The following TENM3 variants were observed in gnomAD, a reference collection of about 807,000 sequenced individuals.
The protein encoded by TENM3 is teneurin transmembrane protein 3.
A neutral mutation model predicts 255.1 loss-of-function variants in TENM3; 63 were observed. The observed-to-expected ratio is 0.25, with a 90% CI of 0.20 to 0.30. The LOEUF is 0.30. Ranked by LOEUF, TENM3 falls within the 10% of genes least tolerant of loss-of-function variation. The pLI is 1.00. For synonymous variants in TENM3, 1,306 were observed against 1,322.3 expected (o/e 0.99, Z 0.27); for missense variants, 2,929 against 3,461.1 (o/e 0.85, Z 3.86).
chr4:182,626,848 A>G (rs1348265750), intron 4 of TENM3, among the ~76,000 whole-genome samples: 1 of 152,206 alleles, frequency 6.6e-6, no homozygotes, highest in African/African-American at 2.4e-5. Context: ...TTTTAGAGAC[A>G]TTAGCTCTAG....
intron 22 of TENM3, among the ~76,000 whole-genome samples, chr4:182,761,373 C>T (rs1313201994): frequency 6.6e-6 from 1 of 152,058 alleles, no homozygotes; most frequent in Non-Finnish European, 1.5e-5. Flanking sequence ...GAGCCAAGAT[C>T]ACGCCACTGC....
the TENM3 span, among the ~76,000 whole-genome samples, chr4:181,536,256 A>G: frequency 2.6e-4 from 39 of 152,294 alleles, no homozygotes; most frequent in Non-Finnish European, 4.7e-4. Context: ...TGCCTTTTGA[A>G]TGGCCTCTTC....
At chr4:182,162,402 ATAAT>A (rs1169443185) in intron 1 of TENM3, among the ~76,000 whole-genome samples, 1 of 152,176 alleles carries the variant, frequency 6.6e-6, no homozygotes, top group Admixed American at 6.5e-5. Context: ...GAAATGTGTA[ATAAT>A]TAGACAAACT....
At chr4:182,465,951 A>G (rs1732546627) in intron 3 of TENM3, among the ~76,000 whole-genome samples, 1 of 152,114 alleles carries the variant, frequency 6.6e-6, no homozygotes, top group Non-Finnish European at 1.5e-5. Context: ...CCCAAGTCTC[A>G]TTTCTCTATT....
the TENM3 span, among the ~76,000 whole-genome samples, chr4:182,062,887 A>G: frequency 6.6e-6 from 1 of 152,142 alleles, no homozygotes; most frequent in African/African-American, 2.4e-5. Context: ...AAATGAAGAA[A>G]GGTTTTTAGC....
chr4:182,359,977 T>C (rs1164423374), intron 3 of TENM3, among the ~76,000 whole-genome samples: 1 of 152,164 alleles, frequency 6.6e-6, no homozygotes, highest in Non-Finnish European at 1.5e-5. Context: ...TTTCGTTATG[T>C]ACCCAATAGT....
the TENM3 span, among the ~76,000 whole-genome samples, chr4:181,550,000 G>A: frequency 6.6e-6 from 1 of 152,080 alleles, no homozygotes; most frequent in South Asian, 2.1e-4. Flanking sequence ...ATTTCCCATG[G>A]TGACAAGAGT....
chr4:182,041,597 A>T, the TENM3 span, among the ~76,000 whole-genome samples: 1 of 152,200 alleles, frequency 6.6e-6, no homozygotes, highest in African/African-American at 2.4e-5. Flanking sequence ...TTAGAACTAA[A>T]ATTATTCATA....
intron 3 of TENM3, among the ~76,000 whole-genome samples, chr4:182,458,617 T>TA (rs199571239): frequency 8.5e-4 from 129 of 151,690 alleles, no homozygotes; most frequent in Middle Eastern, 3.4e-3. Context: ...TCAGAATTCT[T>TA]AAAAAAAAAT....
chr4:181,696,158 T>C, the TENM3 span, among the ~76,000 whole-genome samples: 4 of 152,196 alleles, frequency 2.6e-5, no homozygotes, highest in Non-Finnish European at 4.4e-5. Flanking sequence ...CAGCTATCGA[T>C]GTACATGAAG....
At chr4:181,779,311 G>A in the TENM3 span, among the ~76,000 whole-genome samples, 1 of 149,862 alleles carries the variant, frequency 6.7e-6, no homozygotes, top group African/African-American at 2.5e-5. Context: ...TTGCTACGTG[G>A]GCCAAGAATA....
intron 1 of TENM3, among the ~76,000 whole-genome samples, chr4:182,246,703 T>G (rs995036959): frequency 2.0e-5 from 3 of 152,078 alleles, no homozygotes; most frequent in African/African-American, 7.2e-5. Flanking sequence ...TCATAAGAAA[T>G]AGAGAGATAT....
chr4:182,177,711 A>G (rs1752587326), intron 1 of TENM3, among the ~76,000 whole-genome samples: 1 of 151,278 alleles, frequency 6.6e-6, no homozygotes, highest in South Asian at 2.1e-4. Context: ...TATTTTTCAT[A>G]GAGACAGGGT....
intron 3 of TENM3, among the ~76,000 whole-genome samples, chr4:182,567,081 A>C (rs1406412790): frequency 6.6e-6 from 1 of 152,232 alleles, no homozygotes; most frequent in Non-Finnish European, 1.5e-5. Context: ...ATAGAGAGGT[A>C]AATAAAAGAG....
chr4:182,172,039 A>T (rs999274424), intron 1 of TENM3, among the ~76,000 whole-genome samples: 1 of 152,084 alleles, frequency 6.6e-6, no homozygotes, highest in East Asian at 1.9e-4. Context: ...TAAAATATTC[A>T]TGAGCTGACA....
intron 3 of TENM3, among the ~76,000 whole-genome samples, chr4:182,441,995 G>A (rs746340181): frequency 7.2e-5 from 11 of 152,188 alleles, no homozygotes; most frequent in Non-Finnish European, 1.2e-4. Flanking sequence ...GAGTATTTAC[G>A]GAGCTGAATG....
the TENM3 span, among the ~76,000 whole-genome samples, chr4:181,860,015 CAT>C: frequency 6.6e-6 from 1 of 152,318 alleles, no homozygotes; most frequent in Non-Finnish European, 1.5e-5. Context: ...CCTGGGAACT[CAT>C]AATCTGATTT....
the TENM3 span, among the ~76,000 whole-genome samples, chr4:181,461,532 T>A: frequency 6.6e-6 from 1 of 152,170 alleles, no homozygotes; most frequent in African/African-American, 2.4e-5. Flanking sequence ...TACACGTCAT[T>A]GATGCTCTGC....
At chr4:181,513,203 C>T in the TENM3 span, among the ~76,000 whole-genome samples, 1 of 152,066 alleles carries the variant, frequency 6.6e-6, no homozygotes, top group Non-Finnish European at 1.5e-5. Context: ...GCCTGCTAAA[C>T]TCTGTGCTCT....
Sources: gnomAD v4.1 joint callset for allele counts (sites outside exome capture counted in the v4.1 genomes callset) on GRCh38, gnomAD v4.1.1 for gene constraint, MANE v1.5 for transcripts, NCBI Gene and HGNC (gene_info 2026-07-23, HGNC 2026-07-21) for gene names.